Variants in RAD51B observed in about 807,000 individuals in gnomAD.
RAD51B encodes the protein DNA repair protein RAD51 homolog 2.
In RAD51B, 38 loss-of-function variants were observed where a neutral mutation model predicts 42.2. The ratio of observed to expected loss-of-function variants is 0.90; its 90% CI spans 0.70 to 1.18. The LOEUF is 1.18. Ranked by LOEUF, RAD51B falls within the 50% of genes most tolerant of loss-of-function variation. RAD51B has a pLI of 0.00. For synonymous variants in RAD51B, 154 were observed against 145.2 expected, an observed-to-expected ratio of 1.06 and a Z score of -0.43; for missense variants, 373 against 400.7, an observed-to-expected ratio of 0.93 and a Z score of 0.59.
At chr14:67,973,337 A>G (rs957753351) in intron 7 of RAD51B, among the ~76,000 whole-genome samples, 5 of 152,180 alleles carry the variant, frequency 3.3e-5, no homozygotes, top group African/African-American at 1.2e-4. Flanking sequence ...AGAAATTGGC[A>G]GCAAGAAGTT....
chr14:68,389,009 A>T (rs2083673507), intron 8 of RAD51B, among the ~76,000 whole-genome samples: 1 of 152,196 alleles, frequency 6.6e-6, no homozygotes, highest in Non-Finnish European at 1.5e-5. Context: ...CAGAAATGGA[A>T]CTATGGAAAT....
At chr14:68,101,154 T>G (rs2077281700) in intron 7 of RAD51B, among the ~76,000 whole-genome samples, 3 of 152,066 alleles carry the variant, frequency 2.0e-5, no homozygotes, top group Admixed American at 2.0e-4. Context: ...AAGATTCAAT[T>G]ACCTCCCACC....
intron 7 of RAD51B, among the ~76,000 whole-genome samples, chr14:67,928,092 A>T (rs2044591025): frequency 6.6e-6 from 1 of 151,978 alleles, no homozygotes; most frequent in Non-Finnish European, 1.5e-5. Context: ...TTTTCTTTAT[A>T]CATTTGGTAG....
intron 7 of RAD51B, among the ~76,000 whole-genome samples, chr14:68,151,567 A>G (rs2078380188): frequency 6.6e-6 from 1 of 152,010 alleles, no homozygotes; most frequent in South Asian, 2.1e-4. Context: ...AAATTGTCCC[A>G]CAGCTCACTA....
chr14:68,036,866 A>G (rs1383248168), intron 7 of RAD51B, among the ~76,000 whole-genome samples: 1 of 152,134 alleles, frequency 6.6e-6, no homozygotes, highest in Non-Finnish European at 1.5e-5. Flanking sequence ...TGTTTGCCCT[A>G]TGACAAATAT....
At chr14:68,433,070 T>C (rs1460240041) in intron 9 of RAD51B, among the ~76,000 whole-genome samples, 1 of 152,240 alleles carries the variant, frequency 6.6e-6, no homozygotes, top group Non-Finnish European at 1.5e-5. Flanking sequence ...ATGTTGAATA[T>C]TGGCCCCCAC....
At chr14:68,101,681 A>G (rs1051412519) in intron 7 of RAD51B, among the ~76,000 whole-genome samples, 1 of 152,146 alleles carries the variant, frequency 6.6e-6, no homozygotes, top group South Asian at 2.1e-4. Flanking sequence ...CCTCCCTCCC[A>G]GGTGTTTTCA....
chr14:68,385,759 T>C (rs2083581885), intron 8 of RAD51B, among the ~76,000 whole-genome samples: 1 of 152,202 alleles, frequency 6.6e-6, no homozygotes. Flanking sequence ...CTGAGAATGA[T>C]TAGATAATTT....
chr14:67,851,882 C>T (rs563063609), intron 4 of RAD51B, among the ~76,000 whole-genome samples: 9 of 152,052 alleles, frequency 5.9e-5, no homozygotes, highest in South Asian at 4.2e-4. Context: ...CCTGTGCTGG[C>T]GGCCCAAGTC....
At chr14:67,880,245 A>T (rs2042863296) in intron 5 of RAD51B, among the ~76,000 whole-genome samples, 1 of 152,208 alleles carries the variant, frequency 6.6e-6, no homozygotes, top group African/African-American at 2.4e-5. Context: ...TTGGCAATAA[A>T]TATTGCCACT....
chr14:68,121,212 C>T (rs2077645432), intron 7 of RAD51B, among the ~76,000 whole-genome samples: 1 of 152,172 alleles, frequency 6.6e-6, no homozygotes, highest in African/African-American at 2.4e-5. Context: ...GTGCATCAGG[C>T]ATTTTACATA....
chr14:68,601,854 A>C (rs1404711684), intron 10 of RAD51B, among the ~76,000 whole-genome samples: 1 of 152,038 alleles, frequency 6.6e-6, no homozygotes, highest in Non-Finnish European at 1.5e-5. Context: ...TGAAAGTCTT[A>C]TTCTGTCATT....
intron 8 of RAD51B, among the ~76,000 whole-genome samples, chr14:68,356,547 TA>T (rs35711316): frequency 0.78 from 117,435 of 150,808 alleles, 45,760 homozygotes; most frequent in East Asian, 0.99. Flanking sequence ...ACTTAATTGC[TA>T]AAAAAAAAAA....
intron 10 of RAD51B, among the ~76,000 whole-genome samples, chr14:68,568,209 A>G (rs1257620595): frequency 6.6e-6 from 1 of 152,264 alleles, no homozygotes; most frequent in African/African-American, 2.4e-5. Context: ...TCACCATAAT[A>G]CAATGTGAAA....
chr14:68,563,901 C>T, intron 10 of RAD51B: 1 of 985,392 alleles, frequency 1.0e-6, no homozygotes, highest in South Asian at 4.7e-5. Flanking sequence ...GTAACGGCCA[C>T]AGGCCGATTC....
At chr14:68,403,172 T>C (rs1311514431) in intron 8 of RAD51B, among the ~76,000 whole-genome samples, 2 of 152,208 alleles carry the variant, frequency 1.3e-5, no homozygotes, top group Non-Finnish European at 2.9e-5. Flanking sequence ...TTTTTTTAAA[T>C]TTCCTCTTTC....
intron 11 of RAD51B, among the ~76,000 whole-genome samples, chr14:68,673,357 C>G (rs12896428): frequency 0.14 from 20,626 of 151,820 alleles, 1,820 homozygotes; most frequent in Non-Finnish European, 0.19. Flanking sequence ...CATAAACACA[C>G]ATACATAAAC....
chr14:67,872,683 A>G (rs1249786286), intron 5 of RAD51B, among the ~76,000 whole-genome samples: 1 of 151,970 alleles, frequency 6.6e-6, no homozygotes, highest in Non-Finnish European at 1.5e-5. Flanking sequence ...ACCTGACTTC[A>G]AACTATACTA....
chr14:68,346,481 G>A (rs561724265), intron 8 of RAD51B, among the ~76,000 whole-genome samples: 6 of 152,228 alleles, frequency 3.9e-5, no homozygotes, highest in South Asian at 2.1e-4. Context: ...ACAACCACTC[G>A]ATCATCAAGA....
Sources: gnomAD v4.1 joint callset for allele counts (sites outside exome capture counted in the v4.1 genomes callset) on GRCh38, gnomAD v4.1.1 for gene constraint, MANE v1.5 for transcripts, NCBI Gene and HGNC (gene_info 2026-07-23, HGNC 2026-07-21) for gene names.